The following PDE7B variants were observed in gnomAD, a reference collection of about 807,000 sequenced individuals.
The protein encoded by PDE7B is phosphodiesterase 7B.
Under a neutral mutation model 56.2 loss-of-function variants are expected in PDE7B, and 29 were observed. That is an observed-to-expected ratio of 0.52 (90% CI 0.38 to 0.70). PDE7B has a LOEUF of 0.70. Among genes scored for constraint, PDE7B ranks in the 30% least tolerant of loss-of-function variants. The pLI, the probability that PDE7B is intolerant of heterozygous loss-of-function variation, is 0.00. For synonymous variants in PDE7B, 197 were observed against 196.9 expected, an observed-to-expected ratio of 1.00 and a Z score of 0.00; for missense variants, 490 against 565.0, an observed-to-expected ratio of 0.87 and a Z score of 1.35.
chr6:136,076,901 GA>G (rs1257066099), intron 2 of PDE7B, among the ~76,000 whole-genome samples: 6 of 151,970 alleles, frequency 3.9e-5, no homozygotes, highest in Non-Finnish European at 7.4e-5. Context: ...GTCACCCAGG[GA>G]AAAAAACTAA....
intron 2 of PDE7B, among the ~76,000 whole-genome samples, chr6:135,962,716 C>T (rs768410037): frequency 2.0e-5 from 3 of 152,102 alleles, no homozygotes; most frequent in African/African-American, 4.8e-5. Flanking sequence ...TTCAACTGTG[C>T]CTTAAGGTAA....
chr6:136,104,678 T>C (rs1777618600), intron 2 of PDE7B, among the ~76,000 whole-genome samples: 1 of 152,214 alleles, frequency 6.6e-6, no homozygotes, highest in Non-Finnish European at 1.5e-5. Context: ...ATGCTTCAGA[T>C]TGGGAATGTC....
At chr6:135,904,281 C>T (rs1258936194) in intron 1 of PDE7B, among the ~76,000 whole-genome samples, 1 of 152,156 alleles carries the variant, frequency 6.6e-6, no homozygotes, top group African/African-American at 2.4e-5. Flanking sequence ...AACCAATGCT[C>T]CCAAGACCCC....
intron 3 of PDE7B, among the ~76,000 whole-genome samples, chr6:136,116,679 T>C (rs1475019712): frequency 6.6e-6 from 1 of 152,136 alleles, no homozygotes; most frequent in African/African-American, 2.4e-5. Flanking sequence ...CAGGTTGAGT[T>C]TGCAGGAGAA....
intron 11 of PDE7B, among the ~76,000 whole-genome samples, chr6:136,184,081 G>C (rs2128451811): frequency 6.6e-6 from 1 of 152,208 alleles, no homozygotes; most frequent in East Asian, 1.9e-4. Context: ...TTCCAGCCTT[G>C]TCTAATCCTC....
chr6:136,113,978 C>T (rs148773503), intron 3 of PDE7B, among the ~76,000 whole-genome samples: 7 of 152,266 alleles, frequency 4.6e-5, no homozygotes, highest in Admixed American at 2.6e-4. Flanking sequence ...ACAAAGAAAA[C>T]GTGCTCAGGG....
intron 2 of PDE7B, among the ~76,000 whole-genome samples, chr6:136,067,519 TA>T (rs771561028): frequency 3.9e-5 from 6 of 152,170 alleles, no homozygotes; most frequent in Non-Finnish European, 7.4e-5. Context: ...TAAAACTACA[TA>T]GGACATTCTA....
At chr6:135,995,896 A>AT (rs145724585) in intron 2 of PDE7B, among the ~76,000 whole-genome samples, 7,454 of 152,304 alleles carry the variant, frequency 0.049, 554 homozygotes, top group African/African-American at 0.16. Context: ...AGCCTATTAT[A>AT]AGGAATTGTT....
chr6:136,058,210 A>C (rs147200565), intron 2 of PDE7B, among the ~76,000 whole-genome samples: 150 of 152,328 alleles, frequency 9.8e-4, no homozygotes, highest in African/African-American at 3.5e-3. Flanking sequence ...ATCAACATAC[A>C]GTAATAGTTT....
chr6:136,179,284 T>C, intron 10 of PDE7B, 143 bp downstream of exon 10: 1 of 676,796 alleles, frequency 1.5e-6, no homozygotes, highest in South Asian at 1.9e-5. Context: ...AAGGCTACAG[T>C]GAGCTATGAT....
At chr6:136,032,350 G>A (rs889045823) in intron 2 of PDE7B, among the ~76,000 whole-genome samples, 2 of 152,108 alleles carry the variant, frequency 1.3e-5, no homozygotes, top group African/African-American at 4.8e-5. Context: ...CATTAACTAG[G>A]GCACTAAATA....
chr6:135,856,401 A>G lies in PDE7B; in HGVS notation c.21+4382A>G, dbSNP rs532234764. 7.2e-4 allele frequency among the ~76,000 whole-genome samples: 110 copies of G among 152,356 alleles called. 1 individual carries two copies. In the South Asian group the frequency reaches 0.021, roughly 29 times the overall value. ...TGCCAATCACTGTCCTGGATTTTCT[A>G]TATTACTTCACTTAATATCTTCTCA... is the stretch of plus-strand genomic sequence containing the variant. On this transcript the variant is annotated intron_variant, in intron 1 of 12. Coordinates refer to ENST00000308191, the MANE Select transcript of PDE7B (RefSeq NM_018945.4).
intron 2 of PDE7B, among the ~76,000 whole-genome samples, chr6:136,030,755 C>A (rs568933490): frequency 2.3e-4 from 35 of 152,308 alleles, no homozygotes; most frequent in African/African-American, 7.7e-4. Flanking sequence ...AGACTCAGAG[C>A]CTTGCCTGTA....
At chr6:135,916,844 T>C (rs1303018862) in intron 1 of PDE7B, among the ~76,000 whole-genome samples, 2 of 152,052 alleles carry the variant, frequency 1.3e-5, no homozygotes, top group African/African-American at 4.8e-5. Context: ...AGAAGTATAA[T>C]ATATCTTCAT....
chr6:136,142,998 G>A (rs887350733), intron 3 of PDE7B, among the ~76,000 whole-genome samples: 1 of 152,128 alleles, frequency 6.6e-6, no homozygotes, highest in African/African-American at 2.4e-5. Flanking sequence ...TCATTATGAT[G>A]TTAGCTGGTT....
At chr6:135,899,844 A>G (rs1216617040) in intron 1 of PDE7B, among the ~76,000 whole-genome samples, 1 of 152,064 alleles carries the variant, frequency 6.6e-6, no homozygotes, top group Non-Finnish European at 1.5e-5. Flanking sequence ...AAATCTTTCT[A>G]TTGTCTTCAC....
intron 1 of PDE7B, among the ~76,000 whole-genome samples, chr6:135,862,147 G>A (rs796810735): frequency 5.9e-5 from 9 of 151,852 alleles, no homozygotes; most frequent in African/African-American, 2.2e-4. Context: ...AGGGGTAATC[G>A]TGGCAATATT....
At chr6:136,108,672 GA>G in intron 2 of PDE7B, 58 bp from the exon 3 acceptor site, 2 of 1,116,612 alleles carry the variant, frequency 1.8e-6, no homozygotes, top group Non-Finnish European at 2.8e-6. Flanking sequence ...ATTTACAGGG[GA>G]AAAGTGAATG....
intron 2 of PDE7B, among the ~76,000 whole-genome samples, chr6:136,099,934 T>C (rs1430326118): frequency 6.6e-6 from 1 of 152,226 alleles, no homozygotes; most frequent in East Asian, 1.9e-4. Context: ...TTAATCCATT[T>C]TGAGTTAATT....
Sources: gnomAD v4.1 joint callset for allele counts (sites outside exome capture counted in the v4.1 genomes callset) on GRCh38, gnomAD v4.1.1 for gene constraint, MANE v1.5 for transcripts, NCBI Gene and HGNC (gene_info 2026-07-23, HGNC 2026-07-21) for gene names.